Variants in NIBAN1 observed in about 807,000 individuals in gnomAD.
NIBAN1 encodes niban apoptosis regulator 1.
A neutral mutation model predicts 75.1 loss-of-function variants in NIBAN1; 81 were observed. That is an observed-to-expected ratio of 1.08 (90% CI 0.90 to 1.30). NIBAN1 has a LOEUF of 1.30. Among genes scored for constraint, NIBAN1 ranks in the 50% most tolerant of loss-of-function variants. The pLI is 0.00. For synonymous variants in NIBAN1, 436 were observed against 424.8 expected, an observed-to-expected ratio of 1.03 and a Z score of -0.32; for missense variants, 1,133 against 1,128.1, an observed-to-expected ratio of 1.00 and a Z score of -0.06.
chr1:184,897,519 CTA>C (rs2101986315), intron 2 of NIBAN1, among the ~76,000 whole-genome samples: 2 of 152,198 alleles, frequency 1.3e-5, no homozygotes, highest in Admixed American at 1.3e-4. Flanking sequence ...TTTTCTCTGT[CTA>C]TAGTCTTTCC....
intron 2 of NIBAN1, among the ~76,000 whole-genome samples, chr1:184,896,984 C>T (rs190686037): frequency 1.8e-4 from 28 of 152,206 alleles, no homozygotes; most frequent in African/African-American, 6.5e-4. Flanking sequence ...TGTGATGTCT[C>T]CAGATTTGTT....
intron 4 of NIBAN1, among the ~76,000 whole-genome samples, chr1:184,886,972 T>G (rs571357214): frequency 1.2e-4 from 19 of 152,116 alleles, no homozygotes; most frequent in African/African-American, 4.6e-4. Context: ...AATACAAAAA[T>G]TAGCCGGGAG....
intron 5 of NIBAN1, among the ~76,000 whole-genome samples, chr1:184,882,632 C>T (rs1288462184): frequency 6.6e-6 from 1 of 152,110 alleles, no homozygotes; most frequent in Admixed American, 6.5e-5. Flanking sequence ...TGAAATCTTC[C>T]ATAAATGGAG....
At chr1:184,901,108 T>G (rs545397909) in intron 1 of NIBAN1, among the ~76,000 whole-genome samples, 4 of 152,302 alleles carry the variant, frequency 2.6e-5, no homozygotes, top group African/African-American at 9.6e-5. Context: ...ACACCCATAA[T>G]GTATGAATAC....
chr1:184,899,754 C>A (rs1210612302), intron 1 of NIBAN1, among the ~76,000 whole-genome samples: 1 of 151,890 alleles, frequency 6.6e-6, no homozygotes, highest in Non-Finnish European at 1.5e-5. Flanking sequence ...CAGCTCCTCC[C>A]TCCAAATGAT....
rs954849348 is a variant in NIBAN1, at chr1:184,886,576, C to T, written c.434-1776G>A. ...ATTTTAAACCGACTACTATTCAGAA[C>T]CCCTACCTAAACTTTACTCCTTTCC... On this transcript the variant is annotated intron_variant, in intron 4 of 13. Transcript: ENST00000367511. 2.0e-5 allele frequency among the ~76,000 whole-genome samples: 3 copies of T among 152,276 alleles called. No individual in the cohort carries two copies. In the East Asian group the frequency reaches 5.8e-4, roughly 29 times the overall value.
chr1:184,798,422 A>G (rs900471214), intron 12 of NIBAN1, among the ~76,000 whole-genome samples: 2 of 152,242 alleles, frequency 1.3e-5, no homozygotes, highest in Non-Finnish European at 2.9e-5. Flanking sequence ...ATTACTGTCC[A>G]TGATAAGGTG....
chr1:184,791,236 T>A lies in NIBAN1; in HGVS notation c.*3741A>T. The stretch of plus-strand genomic sequence containing the variant: ...AAGTGTGAAGGCACATGTTGCCAAC[T>A]GTTGCACCGACTGATACTATTATTA... On this transcript the variant is annotated 3_prime_UTR_variant, in exon 14 of 14. Transcript: ENST00000367511. 3.2e-6 allele frequency: 1 copy of A among 312,326 alleles called. No individual in the cohort carries two copies. Among genetic ancestry groups the A allele is most frequent in the Non-Finnish European group, 6.3e-6 (1 of 158,118 alleles). 19.3% of individuals were successfully genotyped at this position (312,326 alleles called of 1,614,324 possible).
chr1:184,817,800 TAGTC>T (rs1222125771), intron 9 of NIBAN1, among the ~76,000 whole-genome samples: 3 of 152,228 alleles, frequency 2.0e-5, no homozygotes, highest in Admixed American at 6.5e-5. Flanking sequence ...CCTAGCTTAA[TAGTC>T]AGACAAAATT....
At chr1:184,892,651 T>C (rs1278464012) in intron 3 of NIBAN1, among the ~76,000 whole-genome samples, 2 of 152,132 alleles carry the variant, frequency 1.3e-5, no homozygotes, top group Non-Finnish European at 1.5e-5. Context: ...AAGTTTGTAG[T>C]ATATTTTATT....
chr1:184,955,616 C>A (rs934941320), intron 1 of NIBAN1, among the ~76,000 whole-genome samples: 1 of 152,116 alleles, frequency 6.6e-6, no homozygotes, highest in Non-Finnish European at 1.5e-5. Flanking sequence ...GGATTACAGG[C>A]GTGAGCCACA....
intron 9 of NIBAN1, among the ~76,000 whole-genome samples, chr1:184,817,757 T>TTA (rs754547756): frequency 2.6e-5 from 4 of 152,216 alleles, no homozygotes; most frequent in Non-Finnish European, 5.9e-5. Context: ...GACTCCTTTC[T>TTA]TATATATATA....
intron 1 of NIBAN1, among the ~76,000 whole-genome samples, chr1:184,965,310 A>G (rs978932726): frequency 6.6e-6 from 1 of 151,814 alleles, no homozygotes; most frequent in African/African-American, 2.4e-5. Context: ...AAAAAAAAAA[A>G]GAGAAGAATA....
At chr1:184,911,450 T>C (rs929802029) in intron 1 of NIBAN1, among the ~76,000 whole-genome samples, 1 of 152,236 alleles carries the variant, frequency 6.6e-6, no homozygotes, top group African/African-American at 2.4e-5. Context: ...AGCAGAGCTC[T>C]GGGCACCAGG....
At chr1:184,857,489 T>C (rs963536140) in intron 5 of NIBAN1, among the ~76,000 whole-genome samples, 4 of 152,232 alleles carry the variant, frequency 2.6e-5, no homozygotes. Context: ...ATAAATTGAT[T>C]GTAATTAGAA....
chr1:184,859,548 A>G (rs1027128831), intron 5 of NIBAN1, among the ~76,000 whole-genome samples: 1 of 152,182 alleles, frequency 6.6e-6, no homozygotes, highest in Non-Finnish European at 1.5e-5. Flanking sequence ...GTATTTCCCC[A>G]GTAACCATGT....
At chr1:184,933,279 A>G (rs1398399181) in intron 1 of NIBAN1, among the ~76,000 whole-genome samples, 1 of 152,200 alleles carries the variant, frequency 6.6e-6, no homozygotes. Flanking sequence ...TTCACTCAAC[A>G]TATATCCACT....
At chr1:184,921,318 A>G (rs1034883585) in intron 1 of NIBAN1, among the ~76,000 whole-genome samples, 1 of 152,078 alleles carries the variant, frequency 6.6e-6, no homozygotes. Flanking sequence ...TTTGTAAAAC[A>G]TATCTAACAT....
In NIBAN1 at chr1:184,795,183, C is replaced by T. The variant is rs759725520; in HGVS notation, c.2581G>A (p.Glu861Lys). Residue 861 changes from glutamate (E) to lysine (K), a missense_variant, in exon 14 of 14, where the codon GAA becomes AAA. Transcript: ENST00000367511. ...CTTTGCCCTCCCATCTCTTCTTGTT[C>T]CTCAGAAACCTGGCTCTCACTGAGG... ...ICLSESQVSEEQEEMGGQSSA... is the reference protein window; with the variant it reads ...ICLSESQVSEKQEEMGGQSSA... 1 of 1,614,176 alleles carries T rather than the reference C, an allele frequency of 6.2e-7. No individual in the cohort carries two copies. The highest frequency in any genetic ancestry group is 8.5e-7 in the Non-Finnish European group (1 of 1,180,046).
Sources: gnomAD v4.1 joint callset for allele counts (sites outside exome capture counted in the v4.1 genomes callset) on GRCh38, gnomAD v4.1.1 for gene constraint, MANE v1.5 for transcripts, NCBI Gene and HGNC (gene_info 2026-07-23, HGNC 2026-07-21) for gene names.